PLXNC1: variants seen among roughly 807,000 people sequenced by gnomAD.
PLXNC1 encodes the protein plexin-C1.
PLXNC1 carries 75 observed loss-of-function variants against 178.2 expected under a neutral mutation model. That is an observed-to-expected ratio of 0.42 (90% CI 0.35 to 0.51). The LOEUF is 0.51. Ranked by LOEUF, PLXNC1 falls within the 20% of genes least tolerant of loss-of-function variation. The probability of loss-of-function intolerance (pLI) is 0.02; values close to 1 mark genes in which losing one functional copy is unlikely to be tolerated. For synonymous variants in PLXNC1, 790 were observed against 779.9 expected (o/e 1.01, Z -0.22); for missense variants, 1,503 against 1,984.4 (o/e 0.76, Z 4.61).
At chr12:94,266,871 A>C (rs1025172032) in intron 21 of PLXNC1, among the ~76,000 whole-genome samples, 1 of 152,242 alleles carries the variant, frequency 6.6e-6, no homozygotes, top group Non-Finnish European at 1.5e-5. Flanking sequence ...ACCCTTGTTT[A>C]AAATGCAGGT....
At chr12:94,198,627 G>C (rs1437908277) in intron 4 of PLXNC1, among the ~76,000 whole-genome samples, 4 of 152,216 alleles carry the variant, frequency 2.6e-5, no homozygotes, top group African/African-American at 4.8e-5. Flanking sequence ...CTGGAGGCCA[G>C]AAGTCTGAAA....
rs1491242133 is a variant in PLXNC1, at chr12:94,294,499, C to CCA, written c.3895_3896dup (p.Ile1300LeufsTer2). 7.6e-7 allele frequency: 1 copy of CCA among 1,315,284 alleles called. No individual in the cohort carries two copies. The highest frequency in any genetic ancestry group is 1.5e-5 in the African/African-American group (1 of 68,906). The allele number at this position is 1,315,284 out of a possible 1,614,324, so 81.5% of individuals were successfully genotyped here. On this transcript the variant is annotated frameshift_variant, in exon 24 of 31. Transcript: ENST00000258526. LOFTEE classifies it high-confidence loss of function. ...CTTTGGTTTCAGATATCAAATGGAT[C>CCA]CACTATAAAAGTCTTTAAGAAGATA... is the stretch of plus-strand genomic sequence containing the variant.
intron 5 of PLXNC1, among the ~76,000 whole-genome samples, chr12:94,219,803 T>TTTTA (rs61371301): frequency 0.022 from 2,567 of 116,394 alleles, 32 homozygotes; most frequent in Non-Finnish European, 0.032. Context: ...TCTTTTATAT[T>TTTTA]TTTATTTATT....
At chr12:94,229,915 G>A (rs1964046803) in intron 9 of PLXNC1, among the ~76,000 whole-genome samples, 1 of 152,196 alleles carries the variant, frequency 6.6e-6, no homozygotes, top group Non-Finnish European at 1.5e-5. Flanking sequence ...AGATTCACAT[G>A]TACTTGTGAG....
chr12:94,287,608 C>T (rs1233504190), intron 23 of PLXNC1, among the ~76,000 whole-genome samples: 2 of 152,138 alleles, frequency 1.3e-5, no homozygotes, highest in Admixed American at 6.5e-5. Context: ...GTTGTTTAAC[C>T]GCTTTCATTA....
intron 21 of PLXNC1, among the ~76,000 whole-genome samples, chr12:94,275,443 A>G (rs543360480): frequency 5.3e-5 from 8 of 152,310 alleles, no homozygotes; most frequent in Admixed American, 1.3e-4. Flanking sequence ...GCTGTCTGAC[A>G]TGGCACAGGC....
At chr12:94,261,651 G>A (rs1964990585) in intron 20 of PLXNC1, among the ~76,000 whole-genome samples, 1 of 152,196 alleles carries the variant, frequency 6.6e-6, no homozygotes, top group South Asian at 2.1e-4. Context: ...TGGTACAGAA[G>A]ATTCTTATCC....
intron 7 of PLXNC1, 42 bp from the exon 8 acceptor site, chr12:94,226,563 G>T: frequency 7.6e-7 from 1 of 1,321,322 alleles, no homozygotes; most frequent in Non-Finnish European, 1.1e-6. Context: ...TGTGAACATT[G>T]TCCTAAAACG....
intron 3 of PLXNC1, among the ~76,000 whole-genome samples, chr12:94,183,137 T>G (rs1389853458): frequency 6.6e-6 from 1 of 152,198 alleles, no homozygotes; most frequent in Non-Finnish European, 1.5e-5. Flanking sequence ...CCAACCCTGG[T>G]TTTCCATTCT....
At chr12:94,157,131 G>C (rs1235704490) in intron 1 of PLXNC1, among the ~76,000 whole-genome samples, 3 of 152,200 alleles carry the variant, frequency 2.0e-5, no homozygotes, top group African/African-American at 4.8e-5. Context: ...CCCACCAGAT[G>C]ATGAGCCCGA....
Position 94,305,249 on chromosome 12 carries a change from C to T in PLXNC1, c.4671C>T (p.Val1557=), listed in dbSNP as rs778540549. 1 of 1,611,034 alleles carries T rather than the reference C, an allele frequency of 6.2e-7. No individual in the cohort carries two copies. The highest frequency in any genetic ancestry group is 8.5e-7 in the Non-Finnish European group (1 of 1,177,976). Reference sequence around the variant, plus strand: ...AGAAACAACTCTTGCATGTAAAAGTCTTATTTGATGAAAAGAAGAAATGCA... The same window carrying T: ...AGAAACAACTCTTGCATGTAAAAGTTTTATTTGATGAAAAGAAGAAATGCA... The part of the protein sequence containing the change: ...EAQKQLLHVK[V]LFDEKKKCKW... The change falls in exon 31 of 31, where the codon GTC becomes GTT. Residue 1557 remains valine (V), a synonymous_variant. Coordinates refer to ENST00000258526, the MANE Select transcript of PLXNC1 (RefSeq NM_005761.3).
chr12:94,156,579 G>T (rs1174770855), intron 1 of PLXNC1, among the ~76,000 whole-genome samples: 1 of 151,492 alleles, frequency 6.6e-6, no homozygotes, highest in African/African-American at 2.4e-5. Context: ...CTGGATTCAA[G>T]CGATTCTCCT....
intron 4 of PLXNC1, among the ~76,000 whole-genome samples, chr12:94,197,135 T>G (rs1325368307): frequency 2.6e-5 from 4 of 152,180 alleles, no homozygotes; most frequent in African/African-American, 9.7e-5. Context: ...CAGATTACAT[T>G]GGGCCCACCC....
chr12:94,265,336 C>A, intron 21 of PLXNC1, 111 bp downstream of exon 21: 1 of 934,868 alleles, frequency 1.1e-6, no homozygotes, highest in Non-Finnish European at 1.6e-6. Context: ...TGCGGGAGGC[C>A]CTGTGTGTTT....
intron 28 of PLXNC1, among the ~76,000 whole-genome samples, chr12:94,301,988 C>T (rs971976159): frequency 2.0e-5 from 3 of 152,160 alleles, no homozygotes; most frequent in African/African-American, 7.2e-5. Flanking sequence ...CCCTTCATCC[C>T]GTCCCTACTG....
chr12:94,193,297 A>G (rs554932121), intron 4 of PLXNC1, among the ~76,000 whole-genome samples: 1 of 152,308 alleles, frequency 6.6e-6, no homozygotes, highest in Admixed American at 6.5e-5. Context: ...GACTGAGAAG[A>G]GCTGGCAGAT....
At chr12:94,259,865 C>A in intron 19 of PLXNC1, 131 bp downstream of exon 19, 2 of 532,318 alleles carry the variant, frequency 3.8e-6, no homozygotes, top group Non-Finnish European at 6.1e-6. Flanking sequence ...GAGTTCAAGA[C>A]CAGCCTGACC....
At chr12:94,189,217 G>C (rs1419918573) in intron 4 of PLXNC1, among the ~76,000 whole-genome samples, 1 of 152,174 alleles carries the variant, frequency 6.6e-6, no homozygotes, top group Non-Finnish European at 1.5e-5. Flanking sequence ...AGAAAGGAGA[G>C]AGTGGCCAGG....
chr12:94,249,223 G>T (rs950248762), intron 14 of PLXNC1, among the ~76,000 whole-genome samples: 2 of 152,114 alleles, frequency 1.3e-5, no homozygotes, highest in South Asian at 4.2e-4. Context: ...TGATAAATGG[G>T]GTTAATAATA....
Sources: allele counts gnomAD v4.1 joint callset (sites outside exome capture counted in the v4.1 genomes callset), GRCh38; gene constraint gnomAD v4.1.1; transcripts MANE v1.5; gene names NCBI Gene and HGNC (gene_info 2026-07-23, HGNC 2026-07-21).